The following RPL39L variants were observed in gnomAD, a reference collection of about 807,000 sequenced individuals.
RPL39L encodes the protein ribosomal protein eL39-like 2.
For synonymous variants in RPL39L, 16 were observed against 20.1 expected, an observed-to-expected ratio of 0.80 and a Z score of 0.55; for missense variants, 48 against 58.9, an observed-to-expected ratio of 0.81 and a Z score of 0.61.
intron 1 of RPL39L, among the ~76,000 whole-genome samples, chr3:187,131,116 C>G (rs2108469382): frequency 6.6e-6 from 1 of 152,328 alleles, no homozygotes; most frequent in African/African-American, 2.4e-5. Flanking sequence ...CTCACTTTCT[C>G]TACATCATCC....
chr3:187,123,517 C>CG (rs1294362412), intron 2 of RPL39L, among the ~76,000 whole-genome samples: 2 of 152,226 alleles, frequency 1.3e-5, no homozygotes, highest in East Asian at 3.8e-4. Context: ...AGCTATCTAG[C>CG]AGACCCTGTT....
intron 1 of RPL39L, among the ~76,000 whole-genome samples, chr3:187,131,336 A>C (rs1029888086): frequency 1.3e-5 from 2 of 152,162 alleles, no homozygotes; most frequent in Non-Finnish European, 1.5e-5. Context: ...CAGGAGTTCA[A>C]GACCAGCCTG....
At chr3:187,131,867 C>T (rs957537733) in intron 1 of RPL39L, among the ~76,000 whole-genome samples, 1 of 152,038 alleles carries the variant, frequency 6.6e-6, no homozygotes, top group African/African-American at 2.4e-5. Context: ...TATAAATGTT[C>T]CCAGTTTTAA....
At chr3:187,127,405 A>C (rs73189768) in intron 2 of RPL39L, among the ~76,000 whole-genome samples, 1,731 of 152,352 alleles carry the variant, frequency 0.011, 14 homozygotes, top group Non-Finnish European at 0.019. Flanking sequence ...TAGTATGAAA[A>C]AAGGAATTTT....
chr3:187,135,133 G>A (rs1471436963), intron 1 of RPL39L, among the ~76,000 whole-genome samples: 1 of 152,204 alleles, frequency 6.6e-6, no homozygotes, highest in Non-Finnish European at 1.5e-5. Flanking sequence ...CTCCCACCCT[G>A]ATGGGGCAAT....
intron 2 of RPL39L, 131 bp downstream of exon 2, chr3:187,127,868 C>T (rs758230944): frequency 6.6e-6 from 1 of 152,210 alleles, no homozygotes; most frequent in Non-Finnish European, 1.5e-5. Context: ...ATACTATCTA[C>T]AGCCTTCATC....
At chr3:187,138,844 G>A (rs994860904) in intron 1 of RPL39L, among the ~76,000 whole-genome samples, 1 of 152,164 alleles carries the variant, frequency 6.6e-6, no homozygotes, top group African/African-American at 2.4e-5. Flanking sequence ...CGGATCACCT[G>A]AGGTCGGGAG....
Position 187,121,313 on chromosome 3 carries a change from A to G in RPL39L, c.-13T>C. 1 of 1,613,850 alleles carries G rather than the reference A, an allele frequency of 6.2e-7. No individual in the cohort carries two copies. The highest frequency in any genetic ancestry group is 8.5e-7 in the Non-Finnish European group (1 of 1,179,828). ...TGTGAGAAGACATGGCGAGAAACAGAGTCAACCACACACCACTATGGCGGA... is the reference window on the plus strand; with the variant it reads ...TGTGAGAAGACATGGCGAGAAACAGGGTCAACCACACACCACTATGGCGGA... On this transcript the variant is annotated 5_prime_UTR_variant, in exon 3 of 3. Transcript: ENST00000296277.
intron 1 of RPL39L, among the ~76,000 whole-genome samples, chr3:187,133,772 T>C (rs1201103681): frequency 6.6e-6 from 1 of 152,128 alleles, no homozygotes; most frequent in Non-Finnish European, 1.5e-5. Flanking sequence ...AAAATCCCTC[T>C]AGCACGCTAC....
At chr3:187,136,953 C>A (rs368797530) in intron 1 of RPL39L, among the ~76,000 whole-genome samples, 1 of 151,834 alleles carries the variant, frequency 6.6e-6, no homozygotes, top group Non-Finnish European at 1.5e-5. Flanking sequence ...CACTTGTAAT[C>A]CTAACATTTT....
chr3:187,137,589 G>T (rs1442602409), intron 1 of RPL39L, among the ~76,000 whole-genome samples: 1 of 152,108 alleles, frequency 6.6e-6, no homozygotes, highest in Non-Finnish European at 1.5e-5. Context: ...GATGCGGGCA[G>T]ATCATCTGAG....
At chr3:187,124,713 ATTC>A (rs576204262) in intron 2 of RPL39L, among the ~76,000 whole-genome samples, 72 of 152,316 alleles carry the variant, frequency 4.7e-4, no homozygotes, top group Middle Eastern at 6.8e-3. Flanking sequence ...CCCACTCCTC[ATTC>A]TTCTACTTAC....
intron 1 of RPL39L, among the ~76,000 whole-genome samples, chr3:187,137,990 CA>C (rs1177622131): frequency 6.6e-6 from 1 of 152,140 alleles, no homozygotes; most frequent in African/African-American, 2.4e-5. Context: ...TTTCTCTAAG[CA>C]AACTCTCTTA....
chr3:187,132,713 G>A (rs560003030), intron 1 of RPL39L, among the ~76,000 whole-genome samples: 2 of 152,160 alleles, frequency 1.3e-5, no homozygotes, highest in South Asian at 2.1e-4. Flanking sequence ...AAAGAGCATC[G>A]CTCCTATGCC....
Position 187,136,060 on chromosome 3 carries a change from C to T in RPL39L, c.-93+3153G>A, listed in dbSNP as rs139175271. ...ATGTAAAGCTAACATCTTCCCTCATCACACTGCTTTTGAGAGCCATTCAAA... is the reference window on the plus strand; with the variant it reads ...ATGTAAAGCTAACATCTTCCCTCATTACACTGCTTTTGAGAGCCATTCAAA... On this transcript the variant is annotated intron_variant, in intron 1 of 2. Coordinates refer to ENST00000296277, the MANE Select transcript of RPL39L (RefSeq NM_052969.3). Among the ~76,000 whole-genome samples, 1,512 of 152,338 alleles carry T rather than the reference C, an allele frequency of 9.9e-3. 34 individuals carry two copies. The highest frequency in any genetic ancestry group is 0.034 in the African/African-American group (1,433 of 41,558).
intron 2 of RPL39L, among the ~76,000 whole-genome samples, chr3:187,124,301 T>C (rs1484743650): frequency 1.3e-5 from 2 of 152,118 alleles, no homozygotes; most frequent in African/African-American, 4.8e-5. Flanking sequence ...AATTGAGAGA[T>C]GGGAAATCAT....
At chr3:187,134,947 G>A (rs1243267459) in intron 1 of RPL39L, among the ~76,000 whole-genome samples, 1 of 152,246 alleles carries the variant, frequency 6.6e-6, no homozygotes, top group Non-Finnish European at 1.5e-5. Flanking sequence ...CTGATCAGTT[G>A]AAAGGTGCTG....
intron 1 of RPL39L, among the ~76,000 whole-genome samples, chr3:187,134,066 A>G (rs2108470304): frequency 6.6e-6 from 1 of 152,326 alleles, no homozygotes; most frequent in African/African-American, 2.4e-5. Flanking sequence ...CAGATAACCT[A>G]AGTGTTAGAA....
intron 1 of RPL39L, among the ~76,000 whole-genome samples, chr3:187,135,430 T>C (rs900940771): frequency 1.3e-5 from 2 of 152,234 alleles, no homozygotes; most frequent in Non-Finnish European, 2.9e-5. Context: ...TCATGAGCTC[T>C]GATGGCTTTA....
Sources: allele counts gnomAD v4.1 joint callset (sites outside exome capture counted in the v4.1 genomes callset), GRCh38; gene constraint gnomAD v4.1.1; transcripts MANE v1.5; gene names NCBI Gene and HGNC (gene_info 2026-07-23, HGNC 2026-07-21).